The following ANKRD17 variants were observed in gnomAD, a reference collection of about 807,000 sequenced individuals.
The protein encoded by ANKRD17 is ankyrin repeat domain 17.
ANKRD17 carries 19 observed loss-of-function variants against 229.7 expected under a neutral mutation model. The ratio of observed to expected loss-of-function variants is 0.08; its 90% confidence interval spans 0.06 to 0.12. The LOEUF is 0.12. Ranked by LOEUF, ANKRD17 falls within the 10% of genes least tolerant of loss-of-function variation. The pLI is 1.00. For missense variants in ANKRD17, 2,176 were observed against 3,176.8 expected, an observed-to-expected ratio of 0.68 and a Z score of 7.57; for synonymous variants, 1,112 against 1,146.1, an observed-to-expected ratio of 0.97 and a Z score of 0.60.
At chr4:73,210,232 A>C (rs190327222) in intron 1 of ANKRD17, among the ~76,000 whole-genome samples, 1 of 152,320 alleles carries the variant, frequency 6.6e-6, no homozygotes, top group East Asian at 1.9e-4. Context: ...CAAATAAAAA[A>C]AACCCTAGTA....
chr4:73,155,399 T>C lies in ANKRD17; in HGVS notation c.1000+232A>G, dbSNP rs527436432. 8.5e-5 allele frequency among the ~76,000 whole-genome samples: 13 copies of C among 152,360 alleles called. No individual in the cohort carries two copies. The East Asian group carries it at 2.5e-3, about 29-fold the overall frequency. On this transcript the variant is annotated intron_variant, in intron 5 of 33. Transcript: ENST00000358602. ...GGTCCATCTAACTGGGTCAGTGTTT[T>C]ACTTTTATCTTAAAGAATCTTAAAA...
chr4:73,239,996 T>TG (rs1490596665), intron 1 of ANKRD17, among the ~76,000 whole-genome samples: 4 of 152,194 alleles, frequency 2.6e-5, no homozygotes, highest in African/African-American at 9.7e-5. Context: ...AGCAACTATG[T>TG]AAGTTTTAAA....
chr4:73,099,295 A>C (rs1723673954), intron 25 of ANKRD17: 1 of 588,898 alleles, frequency 1.7e-6, no homozygotes, highest in Admixed American at 2.7e-5. Context: ...CTGCACCCTC[A>C]CCACCACACT....
At chr4:73,167,599 C>T (rs1733404551) in intron 2 of ANKRD17, among the ~76,000 whole-genome samples, 1 of 152,150 alleles carries the variant, frequency 6.6e-6, no homozygotes, top group Non-Finnish European at 1.5e-5. Flanking sequence ...GAGAAACATT[C>T]CCTGCTCCTC....
At chr4:73,252,155 A>G (rs1342263400) in intron 1 of ANKRD17, among the ~76,000 whole-genome samples, 1 of 152,226 alleles carries the variant, frequency 6.6e-6, no homozygotes, top group Non-Finnish European at 1.5e-5. Context: ...TAGCAGAGAT[A>G]CAAAGACTTA....
chr4:73,182,016 C>T (rs1365277761), intron 1 of ANKRD17, among the ~76,000 whole-genome samples: 2 of 119,430 alleles, frequency 1.7e-5, no homozygotes, highest in African/African-American at 6.6e-5. Flanking sequence ...CCACTGCACT[C>T]CAGCCTGGGC....
intron 16 of ANKRD17, among the ~76,000 whole-genome samples, chr4:73,130,904 C>A (rs1339307537): frequency 6.6e-6 from 1 of 152,066 alleles, no homozygotes; most frequent in Non-Finnish European, 1.5e-5. Flanking sequence ...CCACATAAAG[C>A]CTGTGGTTTT....
chr4:73,144,663 A>G, intron 11 of ANKRD17, 82 bp downstream of exon 11: 1 of 903,478 alleles, frequency 1.1e-6, no homozygotes, highest in East Asian at 2.8e-5. Flanking sequence ...CTTGCCTTCA[A>G]AAGACCTTTA....
chr4:73,091,459 T>C lies in ANKRD17; in HGVS notation c.6169A>G (p.Arg2057Gly), dbSNP rs1347706940. Residue 2057 changes from arginine to glycine, a missense_variant, in exon 29 of 34, where the codon AGA becomes GGA. Physicochemically the swap from Arg to Gly is moderately radical, Grantham distance 125. Coordinates refer to ENST00000358602, the MANE Select transcript of ANKRD17 (RefSeq NM_032217.5). ...SPPAQPGGVSRNSPLDCGSAS... is the reference protein window; with the variant it reads ...SPPAQPGGVSGNSPLDCGSAS... ...GATCCACAATCCAAAGGGCTGTTTCTAGAAACCCCTCCTGGCTGGGCTGGT... is the reference window on the plus strand; with the variant it reads ...GATCCACAATCCAAAGGGCTGTTTCCAGAAACCCCTCCTGGCTGGGCTGGT... 1 of 1,614,150 alleles carries C rather than the reference T, an allele frequency of 6.2e-7. No individual in the cohort carries two copies. Among genetic ancestry groups the C allele is most frequent in the South Asian group, 1.1e-5 (1 of 91,076 alleles).
intron 15 of ANKRD17, among the ~76,000 whole-genome samples, chr4:73,138,433 T>C (rs190592990): frequency 0.01 from 1,544 of 152,278 alleles, 6 homozygotes; most frequent in Non-Finnish European, 0.018. Context: ...CTCAGCTGGA[T>C]TCTTAGTGTC....
intron 1 of ANKRD17, among the ~76,000 whole-genome samples, chr4:73,241,827 C>T (rs1012959333): frequency 6.6e-6 from 1 of 152,056 alleles, no homozygotes; most frequent in Non-Finnish European, 1.5e-5. Context: ...AATAATTCAT[C>T]ATACCAAGTA....
intron 24 of ANKRD17, among the ~76,000 whole-genome samples, chr4:73,110,103 A>G (rs1404359102): frequency 1.3e-5 from 2 of 151,804 alleles, no homozygotes; most frequent in Non-Finnish European, 2.9e-5. Flanking sequence ...ACTAAAATGA[A>G]GTGAAGGGGG....
chr4:73,144,708 C>T lies in ANKRD17; in HGVS notation c.1957+37G>A, dbSNP rs1307634179. 2.8e-6 allele frequency: 4 copies of T among 1,433,874 alleles called. No homozygotes were observed. The African/African-American group carries it at 4.4e-5, about 16-fold the overall frequency. 88.8% of individuals were successfully genotyped at this position (1,433,874 alleles called of 1,614,324 possible). Reference sequence around the variant, plus strand: ...CTCTAAATGAAGGCAGGGGTAGATACCTTTCAAAAAAAGACAACTGTTTTA... The same window carrying T: ...CTCTAAATGAAGGCAGGGGTAGATATCTTTCAAAAAAAGACAACTGTTTTA... On this transcript the variant is annotated intron_variant, in intron 11 of 33. Coordinates refer to ENST00000358602, the MANE Select transcript of ANKRD17 (RefSeq NM_032217.5).
chr4:73,191,693 T>C (rs1737125223), intron 1 of ANKRD17, among the ~76,000 whole-genome samples: 1 of 151,786 alleles, frequency 6.6e-6, no homozygotes, highest in Non-Finnish European at 1.5e-5. Flanking sequence ...AACACCACAA[T>C]GGGCAAAATA....
At chr4:73,193,093 C>G (rs1287190326) in intron 1 of ANKRD17, among the ~76,000 whole-genome samples, 1 of 152,070 alleles carries the variant, frequency 6.6e-6, no homozygotes, top group Non-Finnish European at 1.5e-5. Context: ...CAATCATGTA[C>G]CACTACCTTT....
chr4:73,145,877 A>C (rs560216375), intron 10 of ANKRD17, among the ~76,000 whole-genome samples: 1 of 152,310 alleles, frequency 6.6e-6, no homozygotes, highest in South Asian at 2.1e-4. Context: ...TAAATTATTA[A>C]GTTTATAAAA....
At chr4:73,145,272 T>A (rs573327087) in intron 10 of ANKRD17, among the ~76,000 whole-genome samples, 1 of 152,286 alleles carries the variant, frequency 6.6e-6, no homozygotes, top group Non-Finnish European at 1.5e-5. Flanking sequence ...GTATCCCATC[T>A]CTATGAATTT....
chr4:73,232,410 A>G (rs932946585), intron 1 of ANKRD17, among the ~76,000 whole-genome samples: 15 of 152,100 alleles, frequency 9.9e-5, no homozygotes, highest in African/African-American at 3.6e-4. Flanking sequence ...GAATTTTCCA[A>G]TTTTTTGTAC....
Position 73,074,431 on chromosome 4 carries a change from T to C in ANKRD17, c.*1800A>G, listed in dbSNP as rs560860500. 11 of 152,162 alleles carry C rather than the reference T, an allele frequency of 7.2e-5. No individual in the cohort carries two copies. The highest frequency in any genetic ancestry group is 2.0e-4 in the Admixed American group (3 of 15,292). The allele number at this position is 152,162 out of a possible 1,614,324, so 9.4% of individuals were successfully genotyped here. On this transcript the variant is annotated 3_prime_UTR_variant, in exon 34 of 34. Transcript: ENST00000358602. Reference sequence around the variant, plus strand: ...TCCCTTTTTTAGTAAAGTGCTATAATTTTATTTCATAGCTATATTTATTTG... The same window carrying C: ...TCCCTTTTTTAGTAAAGTGCTATAACTTTATTTCATAGCTATATTTATTTG...
Sources: allele counts gnomAD v4.1 joint callset (sites outside exome capture counted in the v4.1 genomes callset), GRCh38; gene constraint gnomAD v4.1.1; transcripts MANE v1.5; gene names NCBI Gene and HGNC (gene_info 2026-07-23, HGNC 2026-07-21).